Variants in ACCSL observed in about 807,000 individuals in gnomAD.
ACCSL encodes probable inactive 1-aminocyclopropane-1-carboxylate synthase-like protein 2.
Under a neutral mutation model 61.7 loss-of-function variants are expected in ACCSL, and 55 were observed. That is an observed-to-expected ratio of 0.89 (90% CI 0.72 to 1.12). The LOEUF (loss-of-function observed/expected upper bound fraction) is 1.12. ACCSL is among the 50% of genes most tolerant of loss of function. ACCSL has a pLI of 0.00. For synonymous variants in ACCSL, 258 were observed against 264.3 expected, an observed-to-expected ratio of 0.98 and a Z score of 0.23; for missense variants, 632 against 698.0, an observed-to-expected ratio of 0.91 and a Z score of 1.07.
the ACCSL span, among the ~76,000 whole-genome samples, chr11:44,010,090 C>T: frequency 6.6e-6 from 1 of 152,216 alleles, no homozygotes; most frequent in Non-Finnish European, 1.5e-5. Flanking sequence ...CCTGTAATCC[C>T]AGCATTTTGG....
chr11:44,039,369 T>G, the ACCSL span, among the ~76,000 whole-genome samples: 2 of 152,198 alleles, frequency 1.3e-5, no homozygotes, highest in South Asian at 2.1e-4. Flanking sequence ...TGAATGGGAT[T>G]GGAGACTGTT....
At chr11:43,941,818 G>A in the ACCSL span, among the ~76,000 whole-genome samples, 1 of 152,144 alleles carries the variant, frequency 6.6e-6, no homozygotes, top group Non-Finnish European at 1.5e-5. Context: ...GATAATATAC[G>A]TAAAACAGAG....
the ACCSL span, among the ~76,000 whole-genome samples, chr11:43,973,492 T>C: frequency 6.6e-6 from 1 of 152,144 alleles, no homozygotes; most frequent in African/African-American, 2.4e-5. Context: ...GTACATGTAA[T>C]AATAGTTTGC....
chr11:43,974,319 T>G, the ACCSL span, among the ~76,000 whole-genome samples: 5 of 152,318 alleles, frequency 3.3e-5, no homozygotes, highest in African/African-American at 1.2e-4. Context: ...TTCTGGGGTT[T>G]GCTAGCAATC....
chr11:44,051,792 C>T (rs1029936697), intron 5 of ACCSL, 73 bp downstream of exon 5: 1 of 1,571,834 alleles, frequency 6.4e-7, no homozygotes. Flanking sequence ...GGGCACTGGA[C>T]TTTGAGGAAG....
the ACCSL span, among the ~76,000 whole-genome samples, chr11:43,950,269 C>T: frequency 3.9e-5 from 6 of 152,254 alleles, no homozygotes; most frequent in African/African-American, 1.4e-4. Flanking sequence ...GCCCTGACCA[C>T]CTTGGCCACA....
chr11:44,043,113 T>C (rs1340809803), upstream of ACCSL, among the ~76,000 whole-genome samples: 2 of 152,162 alleles, frequency 1.3e-5, no homozygotes, highest in Admixed American at 1.3e-4. Flanking sequence ...ATTTATATTC[T>C]AGCAGAGACT....
chr11:43,975,077 T>G, the ACCSL span, among the ~76,000 whole-genome samples: 1 of 152,144 alleles, frequency 6.6e-6, no homozygotes, highest in South Asian at 2.1e-4. Context: ...AACTGGGTGG[T>G]GGGCAGAAGC....
At chr11:44,025,180 AG>A in the ACCSL span, among the ~76,000 whole-genome samples, 1 of 152,144 alleles carries the variant, frequency 6.6e-6, no homozygotes, top group East Asian at 1.9e-4. Flanking sequence ...CCGTTTAGGT[AG>A]GGTTTACACT....
chr11:43,976,005 T>C, the ACCSL span, among the ~76,000 whole-genome samples: 1 of 152,244 alleles, frequency 6.6e-6, no homozygotes, highest in Non-Finnish European at 1.5e-5. Context: ...ATAGTTGTTA[T>C]TCTATGCCTG....
chr11:43,989,053 G>T, the ACCSL span, among the ~76,000 whole-genome samples: 570 of 152,236 alleles, frequency 3.7e-3, 6 homozygotes, highest in African/African-American at 0.013. Flanking sequence ...TTTCTTCACG[G>T]GGAGCTGGTC....
chr11:43,926,009 C>A, the ACCSL span, among the ~76,000 whole-genome samples: 1 of 152,164 alleles, frequency 6.6e-6, no homozygotes. Flanking sequence ...GCCCTGTGAC[C>A]CTGCCTTTCC....
At chr11:43,975,356 AC>A in the ACCSL span, among the ~76,000 whole-genome samples, 4 of 152,234 alleles carry the variant, frequency 2.6e-5, no homozygotes, top group African/African-American at 9.6e-5. Context: ...CAAGGTACTG[AC>A]TTTAAAAAAG....
the ACCSL span, among the ~76,000 whole-genome samples, chr11:43,933,571 A>G: frequency 6.6e-6 from 1 of 152,244 alleles, no homozygotes; most frequent in African/African-American, 2.4e-5. Flanking sequence ...CTTCTCAGCC[A>G]TGTAAAGATT....
At chr11:43,943,035 G>A in the ACCSL span, 3 of 1,500,186 alleles carry the variant, frequency 2.0e-6, no homozygotes, top group Non-Finnish European at 2.7e-6. The surrounding 1 kb of genome is among the most constrained non-coding windows in gnomAD (Gnocchi z 4.8). Flanking sequence ...GGCCGGGGCC[G>A]GCTGCGGCGG....
the ACCSL span, among the ~76,000 whole-genome samples, chr11:43,990,698 C>T: frequency 4.0e-3 from 615 of 152,286 alleles, 6 homozygotes; most frequent in African/African-American, 0.014. Flanking sequence ...GCTTCTGCCT[C>T]CTAGATTTCT....
At chr11:43,948,961 T>C in the ACCSL span, among the ~76,000 whole-genome samples, 1 of 152,090 alleles carries the variant, frequency 6.6e-6, no homozygotes, top group Non-Finnish European at 1.5e-5. Flanking sequence ...TTGGGAGATA[T>C]GAGATTTCTT....
the ACCSL span, among the ~76,000 whole-genome samples, chr11:44,002,255 G>A: frequency 1.3e-5 from 2 of 152,076 alleles, no homozygotes; most frequent in Non-Finnish European, 2.9e-5. Context: ...GCCTCCCCAT[G>A]CTGCCCTGAG....
the ACCSL span, among the ~76,000 whole-genome samples, chr11:43,975,200 G>C: frequency 3.3e-4 from 50 of 152,066 alleles, no homozygotes; most frequent in Non-Finnish European, 5.0e-4. Context: ...AAATGGAGGA[G>C]AGAAAATCCA....
Sources: allele counts gnomAD v4.1 joint callset (sites outside exome capture counted in the v4.1 genomes callset), GRCh38; gene constraint gnomAD v4.1.1; non-coding constraint Gnocchi (gnomAD v3.1); transcripts MANE v1.5; gene names NCBI Gene and HGNC (gene_info 2026-07-23, HGNC 2026-07-21).